Variants in IQCH observed in about 807,000 individuals in gnomAD.
IQCH encodes IQ motif containing H, also known as IQ domain-containing protein H.
A neutral mutation model predicts 117.0 loss-of-function variants in IQCH; 98 were observed. That is an observed-to-expected ratio of 0.84 (90% CI 0.71 to 0.99). IQCH has a LOEUF of 0.99. IQCH is among the 50% of genes least tolerant of loss of function. IQCH has a pLI of 0.00. For synonymous variants in IQCH, 412 were observed against 448.2 expected (o/e 0.92, Z 1.02); for missense variants, 1,102 against 1,243.8 (o/e 0.89, Z 1.72).
intron 14 of IQCH, among the ~76,000 whole-genome samples, chr15:67,414,818 G>A (rs1471503205): frequency 2.0e-5 from 3 of 152,080 alleles, no homozygotes; most frequent in Non-Finnish European, 2.9e-5. Flanking sequence ...ATGACCACAT[G>A]TGTATAACTG....
intron 6 of IQCH, among the ~76,000 whole-genome samples, chr15:67,350,003 A>G (rs1969584125): frequency 6.6e-6 from 1 of 152,214 alleles, no homozygotes; most frequent in Non-Finnish European, 1.5e-5. Context: ...GTATGACCCA[A>G]CAATCTCACT....
At chr15:67,357,468 C>T (rs747655064) in intron 7 of IQCH, 47 bp downstream of exon 7, 1 of 1,193,210 alleles carries the variant, frequency 8.4e-7, no homozygotes, top group Non-Finnish European at 1.3e-6. Context: ...TTATTTACAG[C>T]ACTTTCTGTG....
At chr15:67,450,528 T>C (rs2082497473) in intron 16 of IQCH, among the ~76,000 whole-genome samples, 1 of 152,230 alleles carries the variant, frequency 6.6e-6, no homozygotes, top group Non-Finnish European at 1.5e-5. Flanking sequence ...ATTGCATTTA[T>C]TGATTTGCGT....
intron 8 of IQCH, among the ~76,000 whole-genome samples, chr15:67,371,013 A>G (rs941176787): frequency 6.6e-6 from 1 of 152,204 alleles, no homozygotes; most frequent in African/African-American, 2.4e-5. Context: ...TGCGAAGAGT[A>G]ATAATAACCC....
At chr15:67,295,731 A>C (rs1966848612) in intron 4 of IQCH, among the ~76,000 whole-genome samples, 1 of 152,188 alleles carries the variant, frequency 6.6e-6, no homozygotes. Flanking sequence ...AACTAAATGC[A>C]TCAGTCTTTC....
rs540209947 is a variant in IQCH at position 67,393,500 on chromosome 15, T to C, written c.1633-1791T>C. ...GCACTTTTACATTATATTATTTGCATAACATTTTAATGACTTTATTTTTAT... is the reference window on the plus strand; with the variant it reads ...GCACTTTTACATTATATTATTTGCACAACATTTTAATGACTTTATTTTTAT... On this transcript the variant is annotated intron_variant, in intron 12 of 20. Coordinates refer to ENST00000335894, the MANE Select transcript of IQCH (RefSeq NM_001031715.3). This position sits in a 1 kb window ranked among gnomAD's most constrained non-coding sequence, Gnocchi z 5.5. Among the ~76,000 whole-genome samples, 3 of 152,276 alleles carry C rather than the reference T, an allele frequency of 2.0e-5. No individual in the cohort carries two copies. The East Asian group carries it at 5.8e-4, about 29-fold the overall frequency.
intron 18 of IQCH, among the ~76,000 whole-genome samples, chr15:67,488,649 C>T (rs1395126329): frequency 1.3e-5 from 2 of 152,164 alleles, no homozygotes; most frequent in African/African-American, 4.8e-5. Flanking sequence ...GACAATTTTT[C>T]CATGGACGTG....
rs890747945 is a variant in IQCH at position 67,366,251 on chromosome 15, C to T, written c.754-5860C>T. Among the ~76,000 whole-genome samples, 3 of 152,118 alleles carry T rather than the reference C, an allele frequency of 2.0e-5. No homozygotes were observed. The highest frequency in any genetic ancestry group is 7.2e-5 in the African/African-American group (3 of 41,420). ...TTCAACCCATCCATCATAATTGTCC[C>T]CAGTGGTCCTTAACTATGTCACATT... is the stretch of plus-strand genomic sequence containing the variant. On this transcript the variant is annotated intron_variant, in intron 8 of 20. Transcript: ENST00000335894. The surrounding 1 kb of genome is among the most constrained non-coding windows in gnomAD (Gnocchi z 4.4).
chr15:67,483,279 G>C (rs1332696541), intron 18 of IQCH, among the ~76,000 whole-genome samples: 1 of 152,200 alleles, frequency 6.6e-6, no homozygotes, highest in Non-Finnish European at 1.5e-5. Flanking sequence ...CCAACACTTT[G>C]GGAGGTTGAG....
rs911759231 is a variant in IQCH at position 67,493,659 on chromosome 15, AT to A, written c.2862-591del. 6.6e-6 allele frequency among the ~76,000 whole-genome samples: 1 copy of A among 152,008 alleles called. No homozygotes were observed. The highest frequency in any genetic ancestry group is 2.4e-5 in the African/African-American group (1 of 41,392). ...CAGTTCTCCTAAAGTAACTTAAACC[AT>A]TTTTTTTAATTATTATACTTTAAGT... is the stretch of plus-strand genomic sequence containing the variant. On this transcript the variant is annotated intron_variant, in intron 19 of 20. Coordinates refer to ENST00000335894, the MANE Select transcript of IQCH (RefSeq NM_001031715.3). This position sits in a 1 kb window ranked among gnomAD's most constrained non-coding sequence, Gnocchi z 5.1.
rs1051600810 is a variant in IQCH, at chr15:67,473,697, C to T, written c.2677-1999C>T. Among the ~76,000 whole-genome samples the T allele has an allele frequency of 6.6e-6, 1 of 152,184 alleles. No individual in the cohort carries two copies. Among genetic ancestry groups the T allele is most frequent in the East Asian group, 1.9e-4 (1 of 5,202 alleles). On this transcript the variant is annotated intron_variant, in intron 17 of 20. Coordinates refer to ENST00000335894, the MANE Select transcript of IQCH (RefSeq NM_001031715.3). The surrounding 1 kb of genome is among the most constrained non-coding windows in gnomAD (Gnocchi z 4.9). Reference sequence around the variant, plus strand: ...CCAAACTGGAGATTCAGAAACCAAACAGCGCCTGCCCTCAGAAAACTCCCA... The same window carrying T: ...CCAAACTGGAGATTCAGAAACCAAATAGCGCCTGCCCTCAGAAAACTCCCA...
At chr15:67,258,838 T>C (rs1449244479) in intron 1 of IQCH, among the ~76,000 whole-genome samples, 1 of 152,218 alleles carries the variant, frequency 6.6e-6, no homozygotes, top group Non-Finnish European at 1.5e-5. Context: ...ATATGGTAGA[T>C]TGGATCTATC....
chr15:67,469,736 T>C (rs1416052547), intron 17 of IQCH, among the ~76,000 whole-genome samples: 1 of 152,252 alleles, frequency 6.6e-6, no homozygotes, highest in Non-Finnish European at 1.5e-5. Context: ...TACTAAGTGC[T>C]TTCCATGAAT....
chr15:67,336,884 A>G, intron 4 of IQCH, 91 bp from the exon 5 acceptor site: 1 of 1,268,888 alleles, frequency 7.9e-7, no homozygotes, highest in Non-Finnish European at 1.1e-6. Flanking sequence ...ACTTAATGCA[A>G]CTATTCATAA....
At chr15:67,389,725 ATAAT>A (rs1350500505) in intron 12 of IQCH, among the ~76,000 whole-genome samples, 1 of 152,104 alleles carries the variant, frequency 6.6e-6, no homozygotes, top group Non-Finnish European at 1.5e-5. Context: ...TTTTTTTGGT[ATAAT>A]TAAAGATAGC....
At position 67,494,379 on chromosome 15, in the gene IQCH, T is replaced by C. The variant is rs1362587117; in HGVS notation, c.2970+13T>C. On this transcript the variant is annotated intron_variant, in intron 20 of 20. Transcript: ENST00000335894. The surrounding 1 kb of genome is among the most constrained non-coding windows in gnomAD (Gnocchi z 5.5). ...GACCAATTTTAAGGTGAGGTGTTAA[T>C]TAACTAACGATTCTGGTTAATTTCT... 1 of 1,554,614 alleles carries C rather than the reference T, an allele frequency of 6.4e-7. No homozygotes were observed. Among genetic ancestry groups the C allele is most frequent in the Non-Finnish European group, 8.9e-7 (1 of 1,129,422 alleles).
intron 5 of IQCH, among the ~76,000 whole-genome samples, chr15:67,341,662 A>G (rs1046961930): frequency 4.6e-5 from 7 of 152,204 alleles, no homozygotes; most frequent in Non-Finnish European, 1.0e-4. Flanking sequence ...TTTTAAAAGT[A>G]AAGTTATGAC....
At chr15:67,449,933 T>G (rs2082479533) in intron 16 of IQCH, among the ~76,000 whole-genome samples, 1 of 152,202 alleles carries the variant, frequency 6.6e-6, no homozygotes, top group African/African-American at 2.4e-5. Flanking sequence ...CTTGAAGAGG[T>G]CCTTCACATC....
chr15:67,354,836 A>C (rs941382846), intron 6 of IQCH, among the ~76,000 whole-genome samples: 3 of 152,176 alleles, frequency 2.0e-5, no homozygotes, highest in Admixed American at 6.5e-5. Context: ...GGTATGTTTG[A>C]TTTAATCTTC....
Sources: gnomAD v4.1 joint callset for allele counts (sites outside exome capture counted in the v4.1 genomes callset) on GRCh38, gnomAD v4.1.1 for gene constraint, Gnocchi (gnomAD v3.1) non-coding constraint, MANE v1.5 for transcripts, NCBI Gene and HGNC (gene_info 2026-07-23, HGNC 2026-07-21) for gene names.